NSL1: variants seen among roughly 807,000 people sequenced by gnomAD.
NSL1 encodes the protein NSL1 component of MIS12 kinetochore complex.
A neutral mutation model predicts 25.4 loss-of-function variants in NSL1; 11 were observed. That is an observed-to-expected ratio of 0.43 (90% confidence interval 0.27 to 0.72). The LOEUF is 0.72. Ranked by LOEUF, NSL1 falls within the 30% of genes least tolerant of loss-of-function variation. The pLI, the probability that NSL1 is intolerant of heterozygous loss-of-function variation, is 0.19. For synonymous variants in NSL1, 118 were observed against 120.6 expected (o/e 0.98, Z 0.14); for missense variants, 330 against 342.7 (o/e 0.96, Z 0.29).
At chr1:212,744,569 T>TA (rs1658669306) in intron 4 of NSL1, among the ~76,000 whole-genome samples, 1 of 152,192 alleles carries the variant, frequency 6.6e-6, no homozygotes. Flanking sequence ...ACTGACTAGA[T>TA]AAAGACTTTC....
intron 4 of NSL1, among the ~76,000 whole-genome samples, chr1:212,774,851 CAT>C (rs749832630): frequency 8.5e-5 from 13 of 152,212 alleles, no homozygotes; most frequent in East Asian, 3.8e-4. Flanking sequence ...GAACTGGAAA[CAT>C]ATCCGTACAG....
At chr1:212,758,270 GAAC>G (rs573615236) in intron 4 of NSL1, among the ~76,000 whole-genome samples, 156 of 152,224 alleles carry the variant, frequency 1.0e-3, no homozygotes, top group African/African-American at 3.6e-3. Context: ...AGAAGAGAAA[GAAC>G]AATATCTATA....
intron 4 of NSL1, chr1:212,781,990 T>A (rs746563116): frequency 2.0e-6 from 1 of 499,470 alleles, no homozygotes; most frequent in African/African-American, 2.0e-5. Context: ...GAGAAACCAA[T>A]GATGGTTACT....
At chr1:212,768,929 G>A (rs1659966453) in intron 4 of NSL1, among the ~76,000 whole-genome samples, 1 of 152,068 alleles carries the variant, frequency 6.6e-6, no homozygotes, top group Admixed American at 6.6e-5. Context: ...CAGAACTTCA[G>A]CTACTCAAGA....
At chr1:212,784,763 T>G (rs760888090) in intron 2 of NSL1, among the ~76,000 whole-genome samples, 9 of 152,218 alleles carry the variant, frequency 5.9e-5, no homozygotes, top group Non-Finnish European at 4.4e-5. Flanking sequence ...GTTCACAGTT[T>G]GCTGAAAGAA....
At chr1:212,786,837 G>C (rs1660968059) in intron 2 of NSL1, among the ~76,000 whole-genome samples, 1 of 152,114 alleles carries the variant, frequency 6.6e-6, no homozygotes, top group African/African-American at 2.4e-5. Context: ...GAACAGGAAA[G>C]AATTATTCAT....
chr1:212,749,969 T>TAAG (rs575958729), intron 4 of NSL1, among the ~76,000 whole-genome samples: 3,370 of 149,878 alleles, frequency 0.022, 60 homozygotes, highest in South Asian at 0.04. Flanking sequence ...AGCTACACTT[T>TAAG]CCCATTAATA....
At position 212,791,674 on chromosome 1, in the gene NSL1, G is replaced by C. The variant is rs768678698; in HGVS notation, c.90C>G (p.Ala30=). 6.2e-7 allele frequency: 1 copy of C among 1,613,964 alleles called. No homozygotes were observed. The highest frequency in any genetic ancestry group is 1.7e-5 in the Admixed American group (1 of 60,020). The stretch of plus-strand genomic sequence containing the variant: ...GCACCCGAAAGTCTTCTCGGGGAGT[G>C]GCGGAGACCAAGGCCTGGCTCTCTG... The part of the protein sequence containing the change: ...AGTESQALVS[A]TPREDFRVRC... The change falls in exon 1 of 6, where the codon GCC becomes GCG. Residue 30 remains alanine (A), a synonymous_variant. Coordinates refer to ENST00000366977, the MANE Select transcript of NSL1 (RefSeq NM_015471.4).
intron 4 of NSL1, among the ~76,000 whole-genome samples, chr1:212,780,617 T>C (rs535115637): frequency 1.3e-5 from 2 of 152,166 alleles, no homozygotes; most frequent in East Asian, 3.9e-4. Flanking sequence ...AGTTTTCCTA[T>C]GCTGCTGATT....
chr1:212,779,452 T>A, intron 4 of NSL1, among the ~76,000 whole-genome samples: 1 of 93,080 alleles, frequency 1.1e-5, no homozygotes. Flanking sequence ...CGGCCGCCCC[T>A]ACTGGGAAGT....
At position 212,727,471 on chromosome 1, in the gene NSL1, A is replaced by C; in HGVS notation, c.*10937T>G. The C allele has an allele frequency of 2.0e-6, 2 of 985,450 alleles. No individual in the cohort carries two copies. Among genetic ancestry groups the C allele is most frequent in the Non-Finnish European group, 2.4e-6 (2 of 829,930 alleles). The allele number at this position is 985,450 out of a possible 1,614,324, so 61.0% of individuals were successfully genotyped here. ...GAAAAGTGACACAATTTCAAGCAGC[A>C]GTCAACTAAAACGATTCCTTTTGCA... On this transcript the variant is annotated 3_prime_UTR_variant, in exon 6 of 6. Coordinates refer to ENST00000366977, the MANE Select transcript of NSL1 (RefSeq NM_015471.4).
chr1:212,746,373 T>A (rs777821520), intron 4 of NSL1, among the ~76,000 whole-genome samples: 2 of 152,044 alleles, frequency 1.3e-5, no homozygotes, highest in Non-Finnish European at 2.9e-5. Context: ...ATGCAAATTG[T>A]AATCCCCAAG....
Position 212,734,155 on chromosome 1 carries a change from T to C in NSL1, c.*4253A>G, listed in dbSNP as rs1284936177. 5.3e-5 allele frequency among the ~76,000 whole-genome samples: 8 copies of C among 152,200 alleles called. No individual in the cohort carries two copies. Among genetic ancestry groups the C allele is most frequent in the Non-Finnish European group, 1.2e-4 (8 of 68,046 alleles). ...TATGATTTTCTCTTCTTTCTGGGAG[T>C]ACAGTCATCATTCTGGGATTTTGCT... is the stretch of plus-strand genomic sequence containing the variant. On this transcript the variant is annotated 3_prime_UTR_variant, in exon 6 of 6. Transcript: ENST00000366977.
chr1:212,787,971 T>C (rs1661013071), intron 1 of NSL1, among the ~76,000 whole-genome samples: 1 of 152,204 alleles, frequency 6.6e-6, no homozygotes, highest in Non-Finnish European at 1.5e-5. Context: ...GTATAAGTAC[T>C]ATATATGCTG....
intron 4 of NSL1, among the ~76,000 whole-genome samples, chr1:212,752,976 A>G (rs1289829531): frequency 6.6e-6 from 1 of 152,172 alleles, no homozygotes; most frequent in Non-Finnish European, 1.5e-5. Context: ...GCACAGCATC[A>G]GATGTGTGGC....
At position 212,754,397 on chromosome 1, in the gene NSL1, G is replaced by T. The variant is rs897267588; in HGVS notation, c.500-14796C>A. On this transcript the variant is annotated intron_variant, in intron 4 of 5. Coordinates refer to ENST00000366977, the MANE Select transcript of NSL1 (RefSeq NM_015471.4). ...AAAAGGTGTTCGAAGTGCTCCAGAA[G>T]AACAGGAAACGAAGAGACAGCTTCA... Among the ~76,000 whole-genome samples, 4 of 152,116 alleles carry T rather than the reference G, an allele frequency of 2.6e-5. No individual in the cohort carries two copies. In the East Asian group the frequency reaches 5.8e-4, roughly 22 times the overall value.
At position 212,732,631 on chromosome 1, in the gene NSL1, A is replaced by C; in HGVS notation, c.*5777T>G. Reference sequence around the variant, plus strand: ...TTCCAACCTGGTCTGCCTAGTCTCCAAATCTGCTGATTAGTTAGTAGCCTG... The same window carrying C: ...TTCCAACCTGGTCTGCCTAGTCTCCCAATCTGCTGATTAGTTAGTAGCCTG... On this transcript the variant is annotated 3_prime_UTR_variant, in exon 6 of 6. Coordinates refer to ENST00000366977, the MANE Select transcript of NSL1 (RefSeq NM_015471.4). The C allele has an allele frequency of 1.0e-6, 1 of 985,364 alleles. No homozygotes were observed. 61.0% of individuals were successfully genotyped at this position (985,364 alleles called of 1,614,324 possible). A position where few individuals can be genotyped will look rare whatever the true frequency, so the allele number is the denominator to read the frequency against.
intron 3 of NSL1, among the ~76,000 whole-genome samples, chr1:212,782,691 T>A (rs1660778810): frequency 1.3e-5 from 2 of 152,092 alleles, no homozygotes; most frequent in African/African-American, 2.4e-5. Context: ...ATCAAGCAAA[T>A]TAAAAGCATA....
intron 4 of NSL1, among the ~76,000 whole-genome samples, chr1:212,758,807 T>C (rs550561288): frequency 6.6e-6 from 1 of 152,210 alleles, no homozygotes; most frequent in Non-Finnish European, 1.5e-5. Context: ...AATTTGAATG[T>C]AAGGGATCAG....
Sources: gnomAD v4.1 joint callset for allele counts (sites outside exome capture counted in the v4.1 genomes callset) on GRCh38, gnomAD v4.1.1 for gene constraint, MANE v1.5 for transcripts, NCBI Gene and HGNC (gene_info 2026-07-23, HGNC 2026-07-21) for gene names.